The following GRB14 variants were observed in gnomAD, a reference collection of about 807,000 sequenced individuals.
The protein encoded by GRB14 is growth factor receptor-bound protein 14.
A neutral mutation model predicts 69.1 loss-of-function variants in GRB14; 38 were observed. That is an observed-to-expected ratio of 0.55 (90% CI 0.42 to 0.72). GRB14 has a LOEUF of 0.72. Ranked by LOEUF, GRB14 falls within the 30% of genes least tolerant of loss-of-function variation. The pLI is 0.00. For synonymous variants in GRB14, 247 were observed against 241.3 expected (o/e 1.02, Z -0.22); for missense variants, 666 against 666.1 (o/e 1.00, Z 0.00).
chr2:164,591,493 AGGG>A (rs1689663057), intron 2 of GRB14, among the ~76,000 whole-genome samples: 1 of 152,166 alleles, frequency 6.6e-6, no homozygotes, highest in Non-Finnish European at 1.5e-5. Flanking sequence ...AATGAGGTCA[AGGG>A]AAAAGGCTAT....
chr2:164,507,683 C>T (rs1687228961), intron 8 of GRB14, among the ~76,000 whole-genome samples: 1 of 152,146 alleles, frequency 6.6e-6, no homozygotes, highest in Non-Finnish European at 1.5e-5. Context: ...TGGATTGTAT[C>T]TTTTCAACAA....
chr2:164,575,413 A>T (rs1689228413), intron 2 of GRB14, among the ~76,000 whole-genome samples: 1 of 152,186 alleles, frequency 6.6e-6, no homozygotes, highest in Non-Finnish European at 1.5e-5. Flanking sequence ...CTAAATTCCA[A>T]TCATGTATGT....
At chr2:164,557,228 G>A (rs1412835403) in intron 2 of GRB14, among the ~76,000 whole-genome samples, 2 of 152,142 alleles carry the variant, frequency 1.3e-5, no homozygotes, top group Non-Finnish European at 2.9e-5. Context: ...GAGAGCAGAA[G>A]GGCTAAGTTA....
intron 2 of GRB14, among the ~76,000 whole-genome samples, chr2:164,549,002 T>A (rs1434355143): frequency 2.6e-5 from 4 of 152,094 alleles, no homozygotes; most frequent in Non-Finnish European, 4.4e-5. Flanking sequence ...CTCAGCCTCC[T>A]GAGTAGCTGG....
intron 1 of GRB14, among the ~76,000 whole-genome samples, 153 bp downstream of exon 1, chr2:164,620,966 C>A (rs1162625549): frequency 1.3e-5 from 2 of 152,186 alleles, no homozygotes; most frequent in East Asian, 3.9e-4. Context: ...TCCTGCTGAT[C>A]CGGTAGGAGC....
intron 3 of GRB14, among the ~76,000 whole-genome samples, chr2:164,539,340 T>C (rs1382731479): frequency 6.6e-6 from 1 of 151,966 alleles, no homozygotes; most frequent in Admixed American, 6.6e-5. Flanking sequence ...CCAGGCGTGA[T>C]GGTGCACGCC....
chr2:164,598,000 T>C (rs1355611387), intron 2 of GRB14, among the ~76,000 whole-genome samples: 2 of 151,936 alleles, frequency 1.3e-5, no homozygotes, highest in Non-Finnish European at 2.9e-5. Context: ...CAAGAAGTCC[T>C]GAACCATGCT....
intron 3 of GRB14, among the ~76,000 whole-genome samples, chr2:164,529,048 C>T (rs1043185614): frequency 1.8e-4 from 28 of 152,080 alleles, no homozygotes; most frequent in East Asian, 1.2e-3. Flanking sequence ...ATGTGGTATA[C>T]GCAGTACCTA....
chr2:164,569,001 C>T (rs1689058512), intron 2 of GRB14, among the ~76,000 whole-genome samples: 1 of 151,992 alleles, frequency 6.6e-6, no homozygotes, highest in African/African-American at 2.4e-5. Context: ...TATAAGCCTT[C>T]CAGCTATCCT....
At chr2:164,537,534 A>C (rs1688109559) in intron 3 of GRB14, among the ~76,000 whole-genome samples, 2 of 152,290 alleles carry the variant, frequency 1.3e-5, no homozygotes, top group South Asian at 4.1e-4. Context: ...AGCCCCACAG[A>C]GGACCTTGGA....
At chr2:164,558,316 C>G (rs1437805003) in intron 2 of GRB14, among the ~76,000 whole-genome samples, 1 of 152,082 alleles carries the variant, frequency 6.6e-6, no homozygotes, top group Non-Finnish European at 1.5e-5. Flanking sequence ...TTTCAGTTGG[C>G]TCTGTTATGT....
At chr2:164,601,936 C>T (rs1054099824) in intron 2 of GRB14, among the ~76,000 whole-genome samples, 5 of 151,654 alleles carry the variant, frequency 3.3e-5, no homozygotes, top group African/African-American at 1.2e-4. Context: ...TCCAAGGTAA[C>T]ATTCAGTGAA....
Position 164,502,310 on chromosome 2 carries a change from T to C in GRB14, c.1049A>G (p.Tyr350Cys). Residue 350 changes from tyrosine (Y) to cysteine (C), a missense_variant, in exon 9 of 14, where the codon TAT (tyrosine) becomes TGT (cysteine). By Grantham distance (194) the Tyr-to-Cys change is radical. Transcript: ENST00000263915. ...ACTTCTACCTTGATATGGATGCATA[T>C]AATTCTGGTACAGCTGCATGCCATA... ...LKYGMQLYQNYMHPYQGRSGC... is the reference protein window; with the variant it reads ...LKYGMQLYQNCMHPYQGRSGC... 6.2e-7 allele frequency: 1 copy of C among 1,603,102 alleles called. No individual in the cohort carries two copies. The highest frequency in any genetic ancestry group is 8.5e-7 in the Non-Finnish European group (1 of 1,170,590).
In GRB14 at chr2:164,616,348, C is replaced by T. The variant is rs565070633; in HGVS notation, c.324+3339G>A. Among the ~76,000 whole-genome samples, 6 of 148,300 alleles carry T rather than the reference C, an allele frequency of 4.0e-5. No homozygotes were observed. In the East Asian group the frequency reaches 9.9e-4, roughly 24 times the overall value. On this transcript the variant is annotated intron_variant, in intron 2 of 13. Coordinates refer to ENST00000263915, the MANE Select transcript of GRB14 (RefSeq NM_004490.3). ...GGCTGAGGCAGGAGAATGGCATGAA[C>T]CCAGGAGGCAGAGCTTGCAGTAAGC...
chr2:164,598,429 A>G (rs1574345131), intron 2 of GRB14, among the ~76,000 whole-genome samples: 1 of 151,502 alleles, frequency 6.6e-6, no homozygotes, highest in East Asian at 1.9e-4. Context: ...GATAGCATAC[A>G]TCTGTGCACA....
At chr2:164,592,308 G>A (rs1003364054) in intron 2 of GRB14, among the ~76,000 whole-genome samples, 1 of 151,976 alleles carries the variant, frequency 6.6e-6, no homozygotes, top group Non-Finnish European at 1.5e-5. Context: ...TTAATTTTTT[G>A]TATTTTTAGT....
intron 3 of GRB14, among the ~76,000 whole-genome samples, chr2:164,538,312 T>C (rs1443598288): frequency 9.2e-5 from 14 of 152,148 alleles, no homozygotes; most frequent in Admixed American, 9.2e-4. Context: ...ATGGCTTCAA[T>C]TAGGAATCAG....
At chr2:164,541,831 CAGTT>C (rs1471523922) in intron 3 of GRB14, among the ~76,000 whole-genome samples, 2 of 152,086 alleles carry the variant, frequency 1.3e-5, no homozygotes, top group Non-Finnish European at 2.9e-5. Context: ...CAGTACTCGA[CAGTT>C]AGTTTTTCAA....
At chr2:164,496,324 T>C (rs986219659) in intron 12 of GRB14, among the ~76,000 whole-genome samples, 1 of 152,190 alleles carries the variant, frequency 6.6e-6, no homozygotes, top group African/African-American at 2.4e-5. Flanking sequence ...ATTCAGCCAG[T>C]ATTATAGAAA....
Sources: allele counts gnomAD v4.1 joint callset (sites outside exome capture counted in the v4.1 genomes callset), GRCh38; gene constraint gnomAD v4.1.1; transcripts MANE v1.5; gene names NCBI Gene and HGNC (gene_info 2026-07-23, HGNC 2026-07-21).